Variants in SKAP1 observed in about 807,000 individuals in gnomAD.
The protein encoded by SKAP1 is src kinase-associated phosphoprotein 1.
SKAP1 carries 44 observed loss-of-function variants against 58.5 expected under a neutral mutation model. The ratio of observed to expected loss-of-function variants is 0.75; its 90% CI spans 0.59 to 0.97. SKAP1 has a LOEUF of 0.97. Ranked by LOEUF, SKAP1 falls within the 50% of genes least tolerant of loss-of-function variation. SKAP1 has a pLI of 0.00. For missense variants in SKAP1, 390 were observed against 435.2 expected (o/e 0.90, Z 0.92); for synonymous variants, 127 against 149.7 (o/e 0.85, Z 1.11).
intron 2 of SKAP1, among the ~76,000 whole-genome samples, chr17:48,374,704 A>G (rs1363501563): frequency 6.6e-6 from 1 of 152,194 alleles, no homozygotes; most frequent in Non-Finnish European, 1.5e-5. Flanking sequence ...TCTTTTTCTC[A>G]CTTGGAAAGA....
chr17:48,225,565 A>ATT (rs1471583908), intron 4 of SKAP1, among the ~76,000 whole-genome samples: 4 of 152,186 alleles, frequency 2.6e-5, no homozygotes, highest in Non-Finnish European at 5.9e-5. Flanking sequence ...TACCACATGG[A>ATT]TTATGCGGAG....
chr17:48,294,245 T>G (rs1394246222), intron 4 of SKAP1: 1 of 152,176 alleles, frequency 6.6e-6, no homozygotes, highest in Admixed American at 6.5e-5. Flanking sequence ...TAACCTCTGT[T>G]TGAACTCTCA....
At chr17:48,258,750 A>C (rs979746) in intron 4 of SKAP1, among the ~76,000 whole-genome samples, 120,361 of 152,020 alleles carry the variant, frequency 0.79, 47,793 homozygotes, top group East Asian at 0.95. Flanking sequence ...TGAACATAAA[A>C]AACCATAAAG....
At chr17:48,259,376 C>T (rs1238121360) in intron 4 of SKAP1, among the ~76,000 whole-genome samples, 1 of 151,970 alleles carries the variant, frequency 6.6e-6, no homozygotes, top group African/African-American at 2.4e-5. Context: ...TTATGCATAC[C>T]TTATTATTAT....
intron 11 of SKAP1, among the ~76,000 whole-genome samples, chr17:48,151,554 T>C (rs2063902472): frequency 6.6e-6 from 1 of 152,230 alleles, no homozygotes; most frequent in Non-Finnish European, 1.5e-5. Flanking sequence ...TTGACTATAA[T>C]GTGAAATGCT....
chr17:48,303,671 C>G (rs1051905109), intron 4 of SKAP1, among the ~76,000 whole-genome samples: 8 of 152,120 alleles, frequency 5.3e-5, no homozygotes, highest in Non-Finnish European at 1.2e-4. Flanking sequence ...TATTAGTTTT[C>G]TGACAAAATA....
At chr17:48,328,752 A>G (rs1433451345) in intron 4 of SKAP1, among the ~76,000 whole-genome samples, 1 of 152,112 alleles carries the variant, frequency 6.6e-6, no homozygotes, top group Non-Finnish European at 1.5e-5. Flanking sequence ...ACATAAATTT[A>G]TTTGAGGGCT....
rs568400305 is a variant in SKAP1, at chr17:48,195,519, C to T, written c.281-6019G>A. On this transcript the variant is annotated intron_variant, in intron 4 of 12. Coordinates refer to ENST00000336915, the MANE Select transcript of SKAP1 (RefSeq NM_003726.4). Reference sequence around the variant, plus strand: ...TCTAAAACATTAGTAATAGATTTAGCATCTAAAATTTCAAAGATATAGAAA... The same window carrying T: ...TCTAAAACATTAGTAATAGATTTAGTATCTAAAATTTCAAAGATATAGAAA... 2.0e-5 allele frequency among the ~76,000 whole-genome samples: 3 copies of T among 152,246 alleles called. No homozygotes were observed. The East Asian group carries it at 5.8e-4, about 29-fold the overall frequency.
chr17:48,301,991 A>G (rs1387294491), intron 4 of SKAP1, among the ~76,000 whole-genome samples: 1 of 152,232 alleles, frequency 6.6e-6, no homozygotes, highest in Non-Finnish European at 1.5e-5. Flanking sequence ...AATGAAGACT[A>G]TGTTATTTTG....
At chr17:48,419,563 G>A (rs1188424317) in intron 1 of SKAP1, among the ~76,000 whole-genome samples, 2 of 152,096 alleles carry the variant, frequency 1.3e-5, no homozygotes, top group East Asian at 1.9e-4. Context: ...GATTACAGGC[G>A]TGAGCCACCA....
chr17:48,203,385 T>C (rs1684929444), intron 4 of SKAP1, among the ~76,000 whole-genome samples: 2 of 152,112 alleles, frequency 1.3e-5, no homozygotes, highest in Non-Finnish European at 2.9e-5. Context: ...ACGGATGAAA[T>C]AGCAAAGTTT....
chr17:48,205,101 TC>T (rs1470765850), intron 4 of SKAP1, among the ~76,000 whole-genome samples: 1 of 150,598 alleles, frequency 6.6e-6, no homozygotes, highest in Non-Finnish European at 1.5e-5. Flanking sequence ...TCTCTCTCTC[TC>T]TCTCTCTCTG....
chr17:48,245,082 G>A (rs1010651179), intron 4 of SKAP1, among the ~76,000 whole-genome samples: 8 of 152,112 alleles, frequency 5.3e-5, no homozygotes, highest in African/African-American at 1.9e-4. Context: ...TCCTTCCTGG[G>A]GAACAGTTTT....
chr17:48,275,732 C>T (rs1024712239), intron 4 of SKAP1, among the ~76,000 whole-genome samples: 19 of 152,128 alleles, frequency 1.2e-4, no homozygotes, highest in Admixed American at 3.3e-4. Flanking sequence ...AGCAAAAATC[C>T]CAACTATTGT....
intron 4 of SKAP1, among the ~76,000 whole-genome samples, chr17:48,299,980 G>A (rs2066036768): frequency 6.6e-6 from 1 of 152,112 alleles, no homozygotes; most frequent in Admixed American, 6.6e-5. Flanking sequence ...TGAAAGGTAG[G>A]CTCAGTATTT....
intron 11 of SKAP1, among the ~76,000 whole-genome samples, chr17:48,158,701 C>T (rs1421330743): frequency 6.6e-6 from 1 of 151,926 alleles, no homozygotes; most frequent in Non-Finnish European, 1.5e-5. Context: ...TGGCTCACGC[C>T]TGTAATCCCA....
chr17:48,392,647 G>A lies in SKAP1; in HGVS notation c.152+4033C>T, dbSNP rs116919240. ...AGGCCAAGGTGAGTGGATCACCTGA[G>A]GTCAGGAGAGACCAGCCTGGCCAAC... On this transcript the variant is annotated intron_variant, in intron 2 of 12. Transcript: ENST00000336915. Among the ~76,000 whole-genome samples the A allele has an allele frequency of 9.6e-4, 146 of 152,234 alleles. 3 individuals carry two copies. In the East Asian group the frequency reaches 0.025, roughly 26 times the overall value.
rs557094769 is a variant in SKAP1 at position 48,250,671 on chromosome 17, T to C, written c.281-61171A>G. Among the ~76,000 whole-genome samples, 61 of 152,142 alleles carry C rather than the reference T, an allele frequency of 4.0e-4. 1 individual carries two copies. The South Asian group carries it at 0.011, about 28-fold the overall frequency. ...ATCTTCTCGTTTTTCTAAAAAAAAA[T>C]AGTGTTTTGGCATTATTTAAAGTAA... On this transcript the variant is annotated intron_variant, in intron 4 of 12. Coordinates refer to ENST00000336915, the MANE Select transcript of SKAP1 (RefSeq NM_003726.4).
chr17:48,220,243 A>C (rs1429366774), intron 4 of SKAP1, among the ~76,000 whole-genome samples: 2 of 152,218 alleles, frequency 1.3e-5, no homozygotes, highest in Admixed American at 6.5e-5. Flanking sequence ...CAAAAGTCTG[A>C]TATAAGATTG....
Sources: gnomAD v4.1 joint callset for allele counts (sites outside exome capture counted in the v4.1 genomes callset) on GRCh38, gnomAD v4.1.1 for gene constraint, MANE v1.5 for transcripts, NCBI Gene and HGNC (gene_info 2026-07-23, HGNC 2026-07-21) for gene names.